Variants in NRG1 observed in about 807,000 individuals in gnomAD.
NRG1 encodes the protein pro-neuregulin-1, membrane-bound isoform.
NRG1 carries 18 observed loss-of-function variants against 63.8 expected under a neutral mutation model. The ratio of observed to expected loss-of-function variants is 0.28; its 90% CI spans 0.19 to 0.42. The LOEUF is 0.42. Ranked by LOEUF, NRG1 falls within the 10% of genes least tolerant of loss-of-function variation. The probability of loss-of-function intolerance (pLI) is 1.00; values close to 1 mark genes in which losing one functional copy is unlikely to be tolerated. For synonymous variants in NRG1, 302 were observed against 301.3 expected, an observed-to-expected ratio of 1.00 and a Z score of -0.02; for missense variants, 762 against 814.7, an observed-to-expected ratio of 0.94 and a Z score of 0.79.
At chr8:31,914,329 G>A (rs1400337480) in intron 1 of NRG1, among the ~76,000 whole-genome samples, 1 of 143,238 alleles carries the variant, frequency 7.0e-6, no homozygotes. Flanking sequence ...AATTTTCTTT[G>A]TTAAAATCCT....
chr8:31,868,827 G>T (rs1488115499), intron 1 of NRG1, among the ~76,000 whole-genome samples: 1 of 152,208 alleles, frequency 6.6e-6, no homozygotes, highest in African/African-American at 2.4e-5. Context: ...GGGTTGCACA[G>T]CTAATTTCTA....
intron 3 of NRG1, among the ~76,000 whole-genome samples, chr8:32,605,933 A>G (rs1334662717): frequency 6.6e-6 from 1 of 151,980 alleles, no homozygotes; most frequent in Non-Finnish European, 1.5e-5. Context: ...TGGCAGAGAT[A>G]GGTTGGGTTG....
chr8:32,524,033 T>C (rs531870574), intron 1 of NRG1, among the ~76,000 whole-genome samples: 1 of 150,722 alleles, frequency 6.6e-6, no homozygotes, highest in African/African-American at 2.4e-5. Context: ...ATTCCTGTAA[T>C]TCCAGCACTT....
At chr8:32,731,592 C>T (rs1272063637) in intron 6 of NRG1, among the ~76,000 whole-genome samples, 1 of 152,098 alleles carries the variant, frequency 6.6e-6, no homozygotes, top group Non-Finnish European at 1.5e-5. Flanking sequence ...TATTTTACAT[C>T]CAAAATACTT....
chr8:32,528,616 A>T (rs984545935), intron 1 of NRG1, among the ~76,000 whole-genome samples: 1 of 152,090 alleles, frequency 6.6e-6, no homozygotes, highest in Non-Finnish European at 1.5e-5. Flanking sequence ...TTCTTCCCAC[A>T]TTGTTTGACT....
At chr8:31,920,884 GTAGATAGATAGA>G (rs10532094) in intron 1 of NRG1, among the ~76,000 whole-genome samples, 4,647 of 147,160 alleles carry the variant, frequency 0.032, 207 homozygotes, top group African/African-American at 0.1. Flanking sequence ...AGATAGATAG[GTAGATAGATAGA>G]TAGATAGATA....
chr8:31,858,410 C>T lies in NRG1; in HGVS notation c.37+218979C>T, dbSNP rs541641410. Among the ~76,000 whole-genome samples the T allele has an allele frequency of 9.9e-5, 15 of 152,164 alleles. 1 individual carries two copies. The South Asian group carries it at 3.1e-3, about 32-fold the overall frequency. ...GAAAAAGCTTGATAAGTGGATGCCT[C>T]ATGAGCTGAGAGAAAATTAAAAAAT... is the stretch of plus-strand genomic sequence containing the variant. On this transcript the variant is annotated intron_variant, in intron 1 of 10. Transcript: ENST00000519301.
intron 1 of NRG1, among the ~76,000 whole-genome samples, chr8:32,474,208 T>C (rs1236266606): frequency 6.6e-6 from 1 of 152,252 alleles, no homozygotes; most frequent in Non-Finnish European, 1.5e-5. Flanking sequence ...ATAAATATTT[T>C]GTTTAGATAG....
intron 1 of NRG1, among the ~76,000 whole-genome samples, chr8:31,786,416 A>G (rs1586404206): frequency 6.6e-6 from 1 of 152,150 alleles, no homozygotes; most frequent in South Asian, 2.1e-4. Context: ...CAACAAATAA[A>G]CCATCAGTTC....
At chr8:32,629,026 G>C (rs566162575) in intron 5 of NRG1, among the ~76,000 whole-genome samples, 1 of 152,018 alleles carries the variant, frequency 6.6e-6, no homozygotes, top group African/African-American at 2.4e-5. Context: ...GAACCACCAC[G>C]CCCAGCCCCT....
intron 1 of NRG1, among the ~76,000 whole-genome samples, chr8:31,852,878 A>G (rs1827402710): frequency 6.6e-6 from 1 of 152,084 alleles, no homozygotes; most frequent in South Asian, 2.1e-4. Context: ...TCCTTTCCCC[A>G]TTGCTTGTTT....
intron 1 of NRG1, among the ~76,000 whole-genome samples, chr8:32,309,302 T>C (rs1856558575): frequency 6.6e-6 from 1 of 152,184 alleles, no homozygotes; most frequent in Admixed American, 6.5e-5. Flanking sequence ...CTTATGTGCC[T>C]GTGGTTTTAC....
intron 1 of NRG1, among the ~76,000 whole-genome samples, chr8:31,803,267 G>A (rs1028261657): frequency 6.6e-6 from 1 of 152,210 alleles, no homozygotes; most frequent in African/African-American, 2.4e-5. Flanking sequence ...AGAGATTCAT[G>A]AGATGTCAGG....
At chr8:32,399,845 T>C (rs1310117989) in intron 1 of NRG1, among the ~76,000 whole-genome samples, 1 of 152,218 alleles carries the variant, frequency 6.6e-6, no homozygotes, top group Non-Finnish European at 1.5e-5. Context: ...TCCAGAAGTG[T>C]TAAATTTTCC....
chr8:32,173,675 G>GTT (rs1840347648), intron 1 of NRG1, among the ~76,000 whole-genome samples: 4 of 152,050 alleles, frequency 2.6e-5, no homozygotes, highest in Non-Finnish European at 1.5e-5. Flanking sequence ...AACAAAAAAA[G>GTT]GCAGGGATTA....
chr8:32,078,185 T>G (rs572125794), intron 1 of NRG1, among the ~76,000 whole-genome samples: 4 of 152,194 alleles, frequency 2.6e-5, no homozygotes, highest in Non-Finnish European at 4.4e-5. Flanking sequence ...CTGGAGGTGA[T>G]TGGGTCATAG....
At chr8:31,914,763 T>G (rs993201866) in intron 1 of NRG1, among the ~76,000 whole-genome samples, 6 of 152,124 alleles carry the variant, frequency 3.9e-5, no homozygotes, top group African/African-American at 1.4e-4. Flanking sequence ...CAGGATTTTC[T>G]TGGTGTATGT....
intron 1 of NRG1, among the ~76,000 whole-genome samples, chr8:32,356,479 C>CG (rs1175690228): frequency 3.2e-5 from 4 of 123,106 alleles, no homozygotes; most frequent in African/African-American, 1.2e-4. Context: ...TTGGGACCCC[C>CG]CCCCCACCCG....
chr8:32,608,102 T>TG (rs1407165859), intron 3 of NRG1, among the ~76,000 whole-genome samples: 27 of 116,222 alleles, frequency 2.3e-4, no homozygotes, highest in Non-Finnish European at 3.0e-4. Context: ...GTTTTTTTTT[T>TG]TTTTGTTTTT....
Sources: allele counts gnomAD v4.1 joint callset (sites outside exome capture counted in the v4.1 genomes callset), GRCh38; gene constraint gnomAD v4.1.1; transcripts MANE v1.5; gene names NCBI Gene and HGNC (gene_info 2026-07-23, HGNC 2026-07-21).